Variants in HDAC4 observed in about 807,000 individuals in gnomAD.
HDAC4 encodes histone deacetylase A.
In HDAC4, 16 loss-of-function variants were observed where a neutral mutation model predicts 135.1. The ratio of observed to expected loss-of-function variants is 0.12; its 90% confidence interval spans 0.08 to 0.18. HDAC4 has a LOEUF of 0.18. HDAC4 is among the 10% of genes least tolerant of loss of function. HDAC4 has a pLI of 1.00. For synonymous variants in HDAC4, 685 were observed against 653.4 expected (o/e 1.05, Z -0.74); for missense variants, 1,143 against 1,511.8 (o/e 0.76, Z 4.05).
intron 1 of HDAC4, among the ~76,000 whole-genome samples, chr2:239,367,195 C>G (rs1383094507): frequency 6.6e-6 from 1 of 152,052 alleles, no homozygotes; most frequent in Non-Finnish European, 1.5e-5. Context: ...AATTTTTGTT[C>G]ATAATAGAAA....
chr2:239,182,656 G>C (rs556326924), intron 4 of HDAC4, among the ~76,000 whole-genome samples: 11 of 152,242 alleles, frequency 7.2e-5, no homozygotes, highest in Admixed American at 5.9e-4. Flanking sequence ...ATTATCTGTA[G>C]AGCAAAGCCT....
rs1693822006 is a variant in HDAC4 at position 239,360,883 on chromosome 2, G to C, written c.-219-7965C>G. On this transcript the variant is annotated intron_variant, in intron 1 of 26. Transcript: ENST00000543185. ...TCATCGGCATCCCTGGTGTGCTGTA[G>C]GAAAAAGGCTCTGGGGCCAACGCTG... 2.6e-5 allele frequency among the ~76,000 whole-genome samples: 4 copies of C among 152,262 alleles called. No individual in the cohort carries two copies. In the South Asian group the frequency reaches 8.3e-4, roughly 32 times the overall value.
At chr2:239,345,713 C>T (rs926486427) in intron 2 of HDAC4, among the ~76,000 whole-genome samples, 1 of 151,044 alleles carries the variant, frequency 6.6e-6, no homozygotes, top group Non-Finnish European at 1.5e-5. Flanking sequence ...CTCACCCTAA[C>T]ACACACACCC....
At chr2:239,161,991 C>A (rs746016029) in intron 6 of HDAC4, 3 of 400,282 alleles carry the variant, frequency 7.5e-6, no homozygotes, top group Non-Finnish European at 1.5e-5. Context: ...GGCTTCTATT[C>A]CTGCTGGCCT....
At position 239,139,235 on chromosome 2, in the gene HDAC4, A is replaced by G. The variant is rs1187938545; in HGVS notation, c.978+449T>C. ...GCCGACATCGTGTTGTGTATTTCTC[A>G]ATACAAAATAAAAAATGTTAAGTCT... On this transcript the variant is annotated intron_variant, in intron 9 of 26. Transcript: ENST00000543185. This position sits in a 1 kb window ranked among gnomAD's most constrained non-coding sequence, Gnocchi z 5.3. Among the ~76,000 whole-genome samples, 1 of 152,172 alleles carries G rather than the reference A, an allele frequency of 6.6e-6. No homozygotes were observed. The highest frequency in any genetic ancestry group is 1.9e-4 in the East Asian group (1 of 5,190).
At chr2:239,360,909 T>A (rs1693823696) in intron 1 of HDAC4, among the ~76,000 whole-genome samples, 1 of 152,180 alleles carries the variant, frequency 6.6e-6, no homozygotes, top group East Asian at 1.9e-4. Flanking sequence ...GCCAACGCTG[T>A]CTGGGAAATG....
At chr2:239,105,732 C>T (rs889227604) in intron 15 of HDAC4, among the ~76,000 whole-genome samples, 2 of 152,160 alleles carry the variant, frequency 1.3e-5, no homozygotes, top group Admixed American at 6.5e-5. Context: ...CCAAGTGGTC[C>T]GCGGACTGGG....
rs1474962387 is a variant in HDAC4 at position 239,189,841 on chromosome 2, G to T, written c.331C>A (p.His111Asn). The T allele has an allele frequency of 1.2e-6, 2 of 1,606,526 alleles. No individual in the cohort carries two copies. The highest frequency in any genetic ancestry group is 1.7e-6 in the Non-Finnish European group (2 of 1,179,652). The change falls in exon 4 of 27, where the codon CAC becomes AAC. Residue 111 changes from histidine to asparagine, a missense_variant. Around this residue, in one of 9 missense-constraint regions of HDAC4, gnomAD observed 247 missense variants for 310.0 expected, o/e 0.80. Transcript: ENST00000543185. ...CCCGCACCGCGCCTCACCTTGATGT[G>T]CTCGTGGAGCTGCGCCTCGTGCTGC... Reference protein sequence around the residue: ...SRQHEAQLHEHIKQQQEMLAM... With the variant: ...SRQHEAQLHENIKQQQEMLAM...
intron 3 of HDAC4, among the ~76,000 whole-genome samples, chr2:239,196,346 G>A (rs11690216): frequency 2.6e-5 from 4 of 152,172 alleles, no homozygotes; most frequent in South Asian, 2.1e-4. Flanking sequence ...AGGCCCAAAC[G>A]TCACCCTCTG....
At position 239,058,310 on chromosome 2, in the gene HDAC4, G is replaced by A. The variant is rs142821901; in HGVS notation, c.3004-3477C>T. Among the ~76,000 whole-genome samples the A allele has an allele frequency of 5.0e-3, 764 of 152,258 alleles. 7 individuals are homozygous for A. Among genetic ancestry groups the A allele is most frequent in the African/African-American group, 0.014 (602 of 41,538 alleles). On this transcript the variant is annotated intron_variant, in intron 24 of 26. Coordinates refer to ENST00000543185, the MANE Select transcript of HDAC4 (RefSeq NM_001378414.1). The stretch of plus-strand genomic sequence containing the variant: ...ACCCTCAATTACCCCAAGAGAAGGC[G>A]AGAAAAGAGAAAAAGGAAAGAGCCA...
intron 2 of HDAC4, among the ~76,000 whole-genome samples, chr2:239,282,270 T>C (rs1299396411): frequency 7.8e-6 from 1 of 128,962 alleles, no homozygotes; most frequent in East Asian, 2.4e-4. Flanking sequence ...ACACACAATG[T>C]ACACACCACT....
intron 2 of HDAC4, among the ~76,000 whole-genome samples, chr2:239,249,834 T>C (rs1484230934): frequency 6.6e-6 from 1 of 151,166 alleles, no homozygotes; most frequent in Non-Finnish European, 1.5e-5. Context: ...CTCAAAACTC[T>C]TGTGTCAGGA....
rs2043197269 is a variant in HDAC4, at chr2:239,167,734, T to C, written c.491-3811A>G. Among the ~76,000 whole-genome samples, 1 of 152,048 alleles carries C rather than the reference T, an allele frequency of 6.6e-6. No individual in the cohort carries two copies. Among genetic ancestry groups the C allele is most frequent in the South Asian group, 2.1e-4 (1 of 4,828 alleles). Reference sequence around the variant, plus strand: ...CCCTAATTTTTACTTTTACTTTTTTTTTTTTTTTCTTAATTCACATTGAGT... The same window carrying C: ...CCCTAATTTTTACTTTTACTTTTTTCTTTTTTTTCTTAATTCACATTGAGT... On this transcript the variant is annotated intron_variant, in intron 5 of 26. Coordinates refer to ENST00000543185, the MANE Select transcript of HDAC4 (RefSeq NM_001378414.1). The surrounding 1 kb of genome is among the most constrained non-coding windows in gnomAD (Gnocchi z 4.1).
chr2:239,278,363 G>A (rs958596170), intron 2 of HDAC4, among the ~76,000 whole-genome samples: 35 of 152,160 alleles, frequency 2.3e-4, no homozygotes, highest in African/African-American at 8.0e-4. Context: ...GTAAAGAAAA[G>A]GATAATTTTT....
Position 239,108,040 on chromosome 2 carries a change from T to A in HDAC4, c.2112+10A>T, listed in dbSNP as rs7585225. The A allele has an allele frequency of 6.2e-7, 1 of 1,610,570 alleles. No individual in the cohort carries two copies. The highest frequency in any genetic ancestry group is 2.2e-5 in the East Asian group (1 of 44,852). On this transcript the variant is annotated intron_variant, in intron 15 of 26. Coordinates refer to ENST00000543185, the MANE Select transcript of HDAC4 (RefSeq NM_001378414.1). The stretch of plus-strand genomic sequence containing the variant: ...AGCCGCAGCTGCCCACCTGCCCCGG[T>A]CGGCGTTACCTCGCATTTGCCCCGG...
In HDAC4 at chr2:239,141,557, G is replaced by A. The variant is rs1208363732; in HGVS notation, c.866-1761C>T. Among the ~76,000 whole-genome samples the A allele has an allele frequency of 6.6e-6, 1 of 152,160 alleles. No individual in the cohort carries two copies. Among genetic ancestry groups the A allele is most frequent in the South Asian group, 2.1e-4 (1 of 4,828 alleles). ...TGCCACCTGGGCTGAGCCAGTGTTTGCATTTCACTCAAGAAAGCAGGACCC... is the reference window on the plus strand; with the variant it reads ...TGCCACCTGGGCTGAGCCAGTGTTTACATTTCACTCAAGAAAGCAGGACCC... On this transcript the variant is annotated intron_variant, in intron 8 of 26. Transcript: ENST00000543185. The surrounding 1 kb of genome is among the most constrained non-coding windows in gnomAD (Gnocchi z 4.9).
chr2:239,232,616 A>G (rs1378145589), intron 3 of HDAC4, among the ~76,000 whole-genome samples: 1 of 118,330 alleles, frequency 8.5e-6, no homozygotes, highest in East Asian at 2.7e-4. Flanking sequence ...TCACCAAGCC[A>G]AGGGTGGCCC....
intron 1 of HDAC4, among the ~76,000 whole-genome samples, chr2:239,363,152 G>A (rs1026554015): frequency 5.3e-5 from 8 of 152,326 alleles, no homozygotes; most frequent in African/African-American, 1.9e-4. Flanking sequence ...AGTGAAATTA[G>A]AGATCTCAAT....
intron 1 of HDAC4, among the ~76,000 whole-genome samples, chr2:239,395,840 A>G (rs1472965380): frequency 1.3e-5 from 2 of 152,226 alleles, no homozygotes; most frequent in Admixed American, 6.5e-5. Flanking sequence ...CTACACACTT[A>G]TCTTCTTTCC....
Sources: gnomAD v4.1 joint callset for allele counts (sites outside exome capture counted in the v4.1 genomes callset) on GRCh38, gnomAD v4.1.1 for gene constraint, gnomAD v4.1.1 regional missense constraint, Gnocchi (gnomAD v3.1) non-coding constraint, MANE v1.5 for transcripts, NCBI Gene and HGNC (gene_info 2026-07-23, HGNC 2026-07-21) for gene names.